TET3: variants seen among roughly 807,000 people sequenced by gnomAD.
The protein encoded by TET3 is methylcytosine dioxygenase TET3.
Under a neutral mutation model 141.4 loss-of-function variants are expected in TET3, and 19 were observed. The observed-to-expected ratio is 0.13, with a 90% CI of 0.09 to 0.20. The LOEUF (loss-of-function observed/expected upper bound fraction) is 0.20. Among genes scored for constraint, TET3 ranks in the 10% least tolerant of loss-of-function variants. The probability of loss-of-function intolerance (pLI) is 1.00; values close to 1 mark genes in which losing one functional copy is unlikely to be tolerated. For missense variants in TET3, 1,874 were observed against 2,356.9 expected, an observed-to-expected ratio of 0.80 and a Z score of 4.24; for synonymous variants, 1,043 against 980.9, an observed-to-expected ratio of 1.06 and a Z score of -1.18.
intron 6 of TET3, among the ~76,000 whole-genome samples, chr2:74,082,546 G>A (rs1444974671): frequency 6.6e-6 from 1 of 151,148 alleles, no homozygotes; most frequent in Non-Finnish European, 1.5e-5. Flanking sequence ...TCTTATGAGT[G>A]AAGAGAAAAG....
At position 74,048,384 on chromosome 2, in the gene TET3, G is replaced by A. The variant is rs564243982; in HGVS notation, c.2467G>A (p.Ala823Thr). The A allele has an allele frequency of 3.7e-6, 6 of 1,610,998 alleles. No homozygotes were observed. Among genetic ancestry groups the A allele is most frequent in the African/African-American group, 1.3e-5 (1 of 74,740 alleles). The change falls in exon 4 of 12, where the codon GCC (alanine) becomes ACC (threonine). Residue 823 changes from alanine (A) to threonine (T), a missense_variant. Physicochemically the swap from Ala to Thr is moderately conservative, Grantham distance 58 (BLOSUM62 0). Coordinates refer to ENST00000409262, the MANE Select transcript of TET3 (RefSeq NM_001287491.2). Reference sequence around the variant, plus strand: ...GGACACACCTGCCAAGAGAGCCCAGGCCGAGTTCCCCACCTGCGATTGCGT... The same window carrying A: ...GGACACACCTGCCAAGAGAGCCCAGACCGAGTTCCCCACCTGCGATTGCGT... ...LLDTPAKRAQ[A>T]EFPTCDCVEQ...
In TET3 at chr2:74,048,501, CATTT is replaced by C. The variant is rs1325695007; in HGVS notation, c.2494+95_2494+98del. ...TAGGCCCTGCCTTTCATTTGGCAAA[CATTT>C]ATTTGTGCCAACTGCCACACTGGGT... On this transcript the variant is annotated intron_variant, in intron 4 of 11. Coordinates refer to ENST00000409262, the MANE Select transcript of TET3 (RefSeq NM_001287491.2). 8.0e-6 allele frequency: 11 copies of C among 1,369,094 alleles called. No homozygotes were observed. In the African/African-American group the frequency reaches 1.6e-4, roughly 20 times the overall value. The allele number at this position is 1,369,094 out of a possible 1,614,324, so 84.8% of individuals were successfully genotyped here. A position where few individuals can be genotyped will look rare whatever the true frequency, so the allele number is the denominator to read the frequency against.
chr2:74,089,800 T>C (rs1480397364), intron 7 of TET3, 97 bp from the exon 8 acceptor site: 6 of 1,494,568 alleles, frequency 4.0e-6, no homozygotes, highest in Admixed American at 1.9e-5. Flanking sequence ...GGCTGGTGGG[T>C]GCCAGGGCTC....
At chr2:74,120,116 T>C in the TET3 span, among the ~76,000 whole-genome samples, 13 of 152,202 alleles carry the variant, frequency 8.5e-5, no homozygotes, top group Non-Finnish European at 1.9e-4. Flanking sequence ...AGCCCACAGG[T>C]TGGACCTCCA....
chr2:74,003,345 T>G (rs971055088), intron 3 of TET3, among the ~76,000 whole-genome samples, 179 bp downstream of exon 3: 4 of 151,218 alleles, frequency 2.6e-5, no homozygotes, highest in Admixed American at 2.6e-4. Flanking sequence ...TTCTCAGGCC[T>G]GTGTGGGTTT....
chr2:74,134,892 C>G, the TET3 span: 1 of 405,874 alleles, frequency 2.5e-6, no homozygotes, highest in Non-Finnish European at 5.1e-6. Context: ...GGATGTCCCA[C>G]TGTCCCTGCT....
chr2:74,092,630 T>C (rs761890666), intron 8 of TET3, among the ~76,000 whole-genome samples: 10 of 152,214 alleles, frequency 6.6e-5, no homozygotes, highest in South Asian at 2.1e-4. Context: ...TGGGCTGAAC[T>C]GGGCGGGAGC....
At chr2:73,991,118 T>C (rs571843670) in intron 2 of TET3, among the ~76,000 whole-genome samples, 10 of 151,768 alleles carry the variant, frequency 6.6e-5, no homozygotes, top group African/African-American at 2.4e-4. Context: ...CCTTGGTGTT[T>C]TTTTAAATAG....
chr2:74,020,643 G>A (rs1685985343), intron 3 of TET3, among the ~76,000 whole-genome samples: 1 of 152,218 alleles, frequency 6.6e-6, no homozygotes, highest in African/African-American at 2.4e-5. Context: ...GAGCAAGGAT[G>A]GTGATGTCTA....
chr2:74,062,726 T>C lies in TET3; in HGVS notation c.2495-10823T>C, dbSNP rs980010509. ...TGGAAAACATAAAATGCCGGAAATA[T>C]ATGTTATAACAATGAATGTAAGTAG... is the stretch of plus-strand genomic sequence containing the variant. On this transcript the variant is annotated intron_variant, in intron 4 of 11. Transcript: ENST00000409262. Among the ~76,000 whole-genome samples, 13 of 152,194 alleles carry C rather than the reference T, an allele frequency of 8.5e-5. No individual in the cohort carries two copies. The East Asian group carries it at 1.7e-3, about 20-fold the overall frequency.
intron 2 of TET3, among the ~76,000 whole-genome samples, chr2:73,988,296 C>G (rs1158377836): frequency 6.6e-6 from 1 of 152,132 alleles, no homozygotes; most frequent in Non-Finnish European, 1.5e-5. Context: ...AAGCTTGATT[C>G]CTTTGCGCCT....
At position 74,093,121 on chromosome 2, in the gene TET3, G is replaced by T; in HGVS notation, c.3129+130G>T. 7.1e-6 allele frequency: 6 copies of T among 848,078 alleles called. No individual in the cohort carries two copies. Among genetic ancestry groups the T allele is most frequent in the Non-Finnish European group, 9.3e-6 (5 of 540,460 alleles). 52.5% of individuals were successfully genotyped at this position (848,078 alleles called of 1,614,324 possible). A position where few individuals can be genotyped will look rare whatever the true frequency, so the allele number is the denominator to read the frequency against. On this transcript the variant is annotated intron_variant, in intron 9 of 11. Coordinates refer to ENST00000409262, the MANE Select transcript of TET3 (RefSeq NM_001287491.2). This position sits in a 1 kb window ranked among gnomAD's most constrained non-coding sequence, Gnocchi z 4.2. ...GAAGAGCCTAGTCCAGAAGTAAAGCGATATGATGTGGTTCTTTGATAAAAA... is the reference window on the plus strand; with the variant it reads ...GAAGAGCCTAGTCCAGAAGTAAAGCTATATGATGTGGTTCTTTGATAAAAA...
intron 4 of TET3, among the ~76,000 whole-genome samples, chr2:74,073,183 G>A (rs1318291051): frequency 6.6e-6 from 1 of 152,172 alleles, no homozygotes; most frequent in African/African-American, 2.4e-5. Context: ...GTAGCTTGCT[G>A]ACCCCTGGTC....
At chr2:74,052,556 CAAAAAAA>C (rs70965779) in intron 4 of TET3, among the ~76,000 whole-genome samples, 2 of 92,392 alleles carry the variant, frequency 2.2e-5, no homozygotes, top group Admixed American at 1.2e-4. Context: ...TTCCTATAGC[CAAAAAAA>C]AAAAAAAAAA....
chr2:74,116,145 T>C, the TET3 span, among the ~76,000 whole-genome samples: 35 of 152,074 alleles, frequency 2.3e-4, no homozygotes, highest in African/African-American at 7.7e-4. Flanking sequence ...GGGAAATGTA[T>C]ATCAAAACCA....
chr2:73,986,828 A>T, intron 2 of TET3, 122 bp downstream of exon 2: 1 of 924,404 alleles, frequency 1.1e-6, no homozygotes, highest in Non-Finnish European at 1.4e-6. Flanking sequence ...CTCTTGGTCC[A>T]ACTTTAAGTA....
At chr2:74,089,733 CAAGG>C (rs1398804882) in intron 7 of TET3, among the ~76,000 whole-genome samples, 160 bp from the exon 8 acceptor site, 2 of 152,156 alleles carry the variant, frequency 1.3e-5, no homozygotes, top group Non-Finnish European at 2.9e-5. Flanking sequence ...GCTTCCTACT[CAAGG>C]AAACTTGAGA....
chr2:74,062,377 G>C (rs1688643025), intron 4 of TET3, among the ~76,000 whole-genome samples: 1 of 152,224 alleles, frequency 6.6e-6, no homozygotes, highest in Non-Finnish European at 1.5e-5. Flanking sequence ...CACTAAATCT[G>C]TTCAAATGTA....
intron 3 of TET3, among the ~76,000 whole-genome samples, chr2:74,025,409 C>T (rs527805798): frequency 6.6e-6 from 1 of 151,294 alleles, no homozygotes; most frequent in South Asian, 2.1e-4. Context: ...CTGCCTCAGC[C>T]TCCGAGTAGC....
Sources: allele counts gnomAD v4.1 joint callset (sites outside exome capture counted in the v4.1 genomes callset), GRCh38; gene constraint gnomAD v4.1.1; non-coding constraint Gnocchi (gnomAD v3.1); transcripts MANE v1.5; gene names NCBI Gene and HGNC (gene_info 2026-07-23, HGNC 2026-07-21).